OFD1: variants seen among roughly 807,000 people sequenced by gnomAD.
OFD1 encodes the protein centriole and centriolar satellite protein OFD1.
OFD1 carries 12 observed loss-of-function variants against 81.4 expected under a neutral mutation model. That is an observed-to-expected ratio of 0.15 (90% confidence interval 0.09 to 0.24). The LOEUF (loss-of-function observed/expected upper bound fraction) is 0.24, where lower values mean the gene tolerates loss of function less well. OFD1 is among the 10% of genes least tolerant of loss of function. The pLI, the probability that OFD1 is intolerant of heterozygous loss-of-function variation, is 1.00. For missense variants in OFD1, 685 were observed against 733.9 expected (o/e 0.93, Z 0.77); for synonymous variants, 256 against 263.7 (o/e 0.97, Z 0.28).
downstream of OFD1, chrX:13,772,852 T>TA: frequency 8.3e-7 from 1 of 1,198,087 alleles, no homozygotes; most frequent in Non-Finnish European, 1.1e-6. Flanking sequence ...GAGCTGTAAA[T>TA]ACGTCGGCCG....
chrX:13,772,862 G>C, downstream of OFD1: 1 of 1,205,517 alleles, frequency 8.3e-7, no homozygotes, highest in Non-Finnish European at 1.1e-6. Flanking sequence ...TACGTCGGCC[G>C]AAACACTCTG....
downstream of OFD1, among the ~76,000 whole-genome samples, chrX:13,770,621 T>G (rs2048278856): frequency 8.9e-6 from 1 of 112,541 alleles, no homozygotes; most frequent in Non-Finnish European, 1.9e-5. Flanking sequence ...GCCCTTATTT[T>G]GTTTCTGCTT....
At position 13,734,782 on chromosome X, in the gene OFD1, A is replaced by G. The variant is rs1010889052; in HGVS notation, c.-290A>G. On this transcript the variant is annotated 5_prime_UTR_variant, in exon 1 of 23. Coordinates refer to ENST00000340096, the MANE Select transcript of OFD1 (RefSeq NM_003611.3). ...GAGGCGGTCCTGCCTCGCTGCCTTC[A>G]GTCCCTAGTGTCTGGGTCCCCGCCC... is the stretch of plus-strand genomic sequence containing the variant. The G allele has an allele frequency of 1.4e-5, 15 of 1,063,758 alleles. No individual in the cohort carries two copies. In the African/African-American group the frequency reaches 1.7e-4, roughly 12 times the overall value. 87.7% of individuals were successfully genotyped at this position (1,063,758 alleles called of 1,213,427 possible). A position where few individuals can be genotyped will look rare whatever the true frequency, so the allele number is the denominator to read the frequency against.
rs312262826 is a variant in OFD1 at position 13,738,905 on chromosome X, C to T, written c.372C>T (p.Tyr124=). The change falls in exon 4 of 23, where the codon TAC becomes TAT. Residue 124 remains tyrosine (Y), a synonymous_variant. Coordinates refer to ENST00000340096, the MANE Select transcript of OFD1 (RefSeq NM_003611.3). ...LIKINPTSSL[Y]KSLVSGSDKE... is the part of the protein sequence containing the mutation. ...AAATCAACCCTACTTCCAGTCTCTA[C>T]AAATCACTGGTAAGATGGCTTAGTT... 1 of 1,189,542 alleles carries T rather than the reference C, an allele frequency of 8.4e-7. No individual in the cohort carries two copies. Among genetic ancestry groups the T allele is most frequent in the Non-Finnish European group, 1.1e-6 (1 of 876,327 alleles).
chrX:13,770,602 T>C (rs2048278387), downstream of OFD1, among the ~76,000 whole-genome samples: 1 of 112,500 alleles, frequency 8.9e-6, no homozygotes, highest in African/African-American at 3.2e-5. Flanking sequence ...GAAAAATAAC[T>C]ACACACATGC....
chrX:13,742,982 G>T (rs1453252935), intron 5 of OFD1, among the ~76,000 whole-genome samples: 1 of 112,038 alleles, frequency 8.9e-6, no homozygotes, highest in Non-Finnish European at 1.9e-5. Flanking sequence ...GGGAGTGGGG[G>T]TGGGGGAAAA....
At chrX:13,770,774 A>G (rs964621761), downstream of OFD1, among the ~76,000 whole-genome samples, 1 of 112,423 alleles carries the variant, frequency 8.9e-6, no homozygotes, top group Non-Finnish European at 1.9e-5. Context: ...GGATTATTTA[A>G]TATTTTCTTT....
downstream of OFD1, chrX:13,772,864 A>C: frequency 8.3e-7 from 1 of 1,207,647 alleles, no homozygotes; most frequent in Non-Finnish European, 1.1e-6. Flanking sequence ...CGTCGGCCGA[A>C]ACACTCTGGC....
At chrX:13,743,910 G>C (rs180820350) in intron 5 of OFD1, among the ~76,000 whole-genome samples, 73 of 111,356 alleles carry the variant, frequency 6.6e-4, no homozygotes, top group African/African-American at 2.3e-3. Context: ...TAAGTTTTCA[G>C]TTTTTATGTA....
chrX:13,751,436 G>T, intron 10 of OFD1, 68 bp downstream of exon 10: 1 of 919,958 alleles, frequency 1.1e-6, no homozygotes, highest in South Asian at 2.2e-5. Context: ...AACAAAAACT[G>T]ACAAAGTAGT....
At chrX:13,764,933 G>A (rs1484895795) in intron 19 of OFD1, among the ~76,000 whole-genome samples, 2 of 111,341 alleles carry the variant, frequency 1.8e-5, no homozygotes, top group Non-Finnish European at 3.8e-5. Flanking sequence ...AGCAGGGAGG[G>A]GCTGCAGCAG....
At position 13,735,162 on chromosome X, in the gene OFD1, T is replaced by G. The variant is rs141160969; in HGVS notation, c.12+79T>G. ...TAAACTTTCGCCGCTAGGCCTCTTA[T>G]GGCTTCCCCGGAGGCCACTGGTCTG... On this transcript the variant is annotated intron_variant, in intron 1 of 22. Coordinates refer to ENST00000340096, the MANE Select transcript of OFD1 (RefSeq NM_003611.3). 3.4e-3 allele frequency: 4,105 copies of G among 1,199,109 alleles called. 82 individuals are homozygous for G. The African/African-American group carries it at 0.064, about 19-fold the overall frequency.
intron 11 of OFD1, among the ~76,000 whole-genome samples, chrX:13,754,224 G>A (rs939356276): frequency 9.0e-6 from 1 of 110,811 alleles, no homozygotes; most frequent in Non-Finnish European, 1.9e-5. Flanking sequence ...CTCGTGATCC[G>A]CCCGCCTCGG....
Position 13,768,727 on chromosome X carries a change from A to C in OFD1, c.2938A>C (p.Lys980Gln), listed in dbSNP as rs748952285. 2.0e-5 allele frequency: 24 copies of C among 1,207,950 alleles called. No homozygotes were observed. The South Asian group carries it at 3.9e-4, about 20-fold the overall frequency. Residue 980 changes from lysine to glutamine, a missense_variant, in exon 22 of 23, where the codon AAG (lysine) becomes CAG (glutamine). By Grantham distance (53) the Lys-to-Gln change is moderately conservative. Transcript: ENST00000340096. Reference protein sequence around the residue: ...DQESADKSSKKMVQEGSLVDT... With the variant: ...DQESADKSSKQMVQEGSLVDT... ...CTCTCCATGTAATCAGAGCTCAAAAAAGATGGTCCAAGAAGGCTCCCTAGT... is the reference window on the plus strand; with the variant it reads ...CTCTCCATGTAATCAGAGCTCAAAACAGATGGTCCAAGAAGGCTCCCTAGT...
chrX:13,745,597 C>G (rs2047262472), intron 6 of OFD1, among the ~76,000 whole-genome samples: 1 of 111,865 alleles, frequency 8.9e-6, no homozygotes, highest in African/African-American at 3.3e-5. Flanking sequence ...TCATCCCTAC[C>G]AGAGATAAAC....
At chrX:13,752,785 G>A (rs1270825950) in intron 10 of OFD1, 12 of 969,355 alleles carry the variant, frequency 1.2e-5, no homozygotes, top group African/African-American at 4.0e-5. Flanking sequence ...GAGGCTCTTC[G>A]CCACAGGAGT....
Position 13,739,912 on chromosome X carries a change from ATAGT to A in OFD1, c.412+883_412+886del, listed in dbSNP as rs780227839. 129 of 752,789 alleles carry A rather than the reference ATAGT, an allele frequency of 1.7e-4. No individual in the cohort carries two copies. In the African/African-American group the frequency reaches 2.8e-3, roughly 16 times the overall value. 62.0% of individuals were successfully genotyped at this position (752,789 alleles called of 1,213,427 possible). A position where few individuals can be genotyped will look rare whatever the true frequency, so the allele number is the denominator to read the frequency against. On this transcript the variant is annotated intron_variant, in intron 5 of 22. Transcript: ENST00000340096. The stretch of plus-strand genomic sequence containing the variant: ...TAAGCTGGCAACTTGGCTTTGATGC[ATAGT>A]TATTCTTTAGGTCTTTTAAAATAAT...
chrX:13,765,547 G>A (rs1356375630), intron 19 of OFD1, among the ~76,000 whole-genome samples: 1 of 111,317 alleles, frequency 9.0e-6, no homozygotes, highest in Non-Finnish European at 1.9e-5. Context: ...AAGAAACTGT[G>A]TTGCTTCTCT....
chrX:13,736,408 A>T, intron 2 of OFD1, 70 bp from the exon 3 acceptor site: 1 of 1,114,766 alleles, frequency 9.0e-7, no homozygotes. Flanking sequence ...GTATATCTCT[A>T]ATGAAACAGT....
Sources: allele counts gnomAD v4.1 joint callset (sites outside exome capture counted in the v4.1 genomes callset), GRCh38; gene constraint gnomAD v4.1.1; transcripts MANE v1.5; gene names NCBI Gene and HGNC (gene_info 2026-07-23, HGNC 2026-07-21).